Variants in SLC9C2 observed in about 807,000 individuals in gnomAD.
The protein encoded by SLC9C2 is sodium/hydrogen exchanger 11.
In SLC9C2, 75 loss-of-function variants were observed where a neutral mutation model predicts 140.2. The observed-to-expected ratio is 0.53, with a 90% CI of 0.44 to 0.65. The LOEUF (loss-of-function observed/expected upper bound fraction) is 0.65. Ranked by LOEUF, SLC9C2 falls within the 30% of genes least tolerant of loss-of-function variation. The pLI is 0.00. For synonymous variants in SLC9C2, 375 were observed against 420.9 expected, an observed-to-expected ratio of 0.89 and a Z score of 1.34; for missense variants, 1,074 against 1,331.8, an observed-to-expected ratio of 0.81 and a Z score of 3.01.
intron 9 of SLC9C2, among the ~76,000 whole-genome samples, chr1:173,572,107 C>T (rs764719679): frequency 3.9e-5 from 6 of 152,154 alleles, no homozygotes; most frequent in Admixed American, 6.5e-5. Flanking sequence ...CCCAAAGTCA[C>T]ATAGTTACAT....
chr1:173,586,245 T>C (rs984314416), intron 5 of SLC9C2, among the ~76,000 whole-genome samples: 5 of 152,168 alleles, frequency 3.3e-5, no homozygotes, highest in Non-Finnish European at 7.3e-5. Flanking sequence ...CTTTGAGAAA[T>C]GTATCTACCT....
intron 13 of SLC9C2, among the ~76,000 whole-genome samples, chr1:173,537,249 G>C (rs558124286): frequency 6.6e-6 from 1 of 152,112 alleles, no homozygotes; most frequent in East Asian, 1.9e-4. Context: ...AATGTTATGA[G>C]ATAAAAAGGG....
At chr1:173,563,861 T>C (rs1253313486) in intron 9 of SLC9C2, among the ~76,000 whole-genome samples, 1 of 152,158 alleles carries the variant, frequency 6.6e-6, no homozygotes, top group East Asian at 1.9e-4. Flanking sequence ...CCTACTACCC[T>C]TCCCAGCCTC....
At chr1:173,505,968 A>ACTTT (rs1207276644) in intron 25 of SLC9C2, among the ~76,000 whole-genome samples, 1 of 152,170 alleles carries the variant, frequency 6.6e-6, no homozygotes, top group African/African-American at 2.4e-5. Flanking sequence ...GTCTCTTAAG[A>ACTTT]AACTAAGCTG....
chr1:173,521,815 G>A (rs1458796419), intron 21 of SLC9C2, among the ~76,000 whole-genome samples: 3 of 130,638 alleles, frequency 2.3e-5, no homozygotes, highest in African/African-American at 8.6e-5. Context: ...AAAAGTTTTA[G>A]TTATGTTGGG....
At chr1:173,546,544 G>A (rs1662862537) in intron 13 of SLC9C2, among the ~76,000 whole-genome samples, 2 of 152,110 alleles carry the variant, frequency 1.3e-5, no homozygotes, top group Admixed American at 6.5e-5. Context: ...TCGCGCCACT[G>A]CACTCCAGCC....
At chr1:173,546,701 G>T (rs189029175) in intron 13 of SLC9C2, among the ~76,000 whole-genome samples, 1 of 152,258 alleles carries the variant, frequency 6.6e-6, no homozygotes, top group Admixed American at 6.5e-5. Context: ...ATTGCAATGT[G>T]TGGACTTTAC....
intron 22 of SLC9C2, 97 bp downstream of exon 22, chr1:173,521,204 A>C (rs1221046353): frequency 3.0e-6 from 2 of 673,826 alleles, no homozygotes; most frequent in African/African-American, 3.8e-5. Flanking sequence ...TTAAAAATTT[A>C]AACTTTTTCA....
chr1:173,540,698 A>T (rs1662331243), intron 13 of SLC9C2, among the ~76,000 whole-genome samples: 1 of 152,258 alleles, frequency 6.6e-6, no homozygotes, highest in African/African-American at 2.4e-5. Flanking sequence ...TATTCCAGGA[A>T]CATTAAAAGT....
At position 173,564,955 on chromosome 1, in the gene SLC9C2, T is replaced by C. The variant is rs1023836789; in HGVS notation, c.1047-7447A>G. On this transcript the variant is annotated intron_variant, in intron 9 of 27. Coordinates refer to ENST00000367714, the MANE Select transcript of SLC9C2 (RefSeq NM_178527.4). ...CCTGGCCGGGTAGTTTTCTTTTTTC[T>C]TTTTTTCTTTTTCTTTTTTTTTTTT... 6.9e-5 allele frequency among the ~76,000 whole-genome samples: 10 copies of C among 145,012 alleles called. No homozygotes were observed. The South Asian group carries it at 2.2e-3, about 31-fold the overall frequency.
intron 9 of SLC9C2, among the ~76,000 whole-genome samples, chr1:173,559,420 C>G (rs919832917): frequency 4.6e-5 from 7 of 152,220 alleles, no homozygotes; most frequent in Non-Finnish European, 1.0e-4. Context: ...GGCCCCTGTT[C>G]TTGAGACATC....
intron 27 of SLC9C2, 59 bp downstream of exon 27, chr1:173,503,207 C>T (rs1659399950): frequency 4.2e-6 from 6 of 1,440,410 alleles, no homozygotes; most frequent in Middle Eastern, 2.0e-4. Context: ...TTTATTTTAG[C>T]TGTATAGTTC....
rs372144894 is a variant in SLC9C2, at chr1:173,593,738, C to T, written c.357+4166G>A. On this transcript the variant is annotated intron_variant, in intron 4 of 27. Coordinates refer to ENST00000367714, the MANE Select transcript of SLC9C2 (RefSeq NM_178527.4). Reference sequence around the variant, plus strand: ...CAGGGGCTGTTACCCTAATTTTAGACAAAACAGACTTTAAGCCAACAAAGA... The same window carrying T: ...CAGGGGCTGTTACCCTAATTTTAGATAAAACAGACTTTAAGCCAACAAAGA... Among the ~76,000 whole-genome samples, 17 of 152,114 alleles carry T rather than the reference C, an allele frequency of 1.1e-4. No homozygotes were observed. In the East Asian group the frequency reaches 1.2e-3, roughly 10 times the overall value.
At chr1:173,599,362 A>ATTTT (rs61579339) in intron 3 of SLC9C2, among the ~76,000 whole-genome samples, 3,963 of 68,000 alleles carry the variant, frequency 0.058, 1,272 homozygotes, top group Non-Finnish European at 0.073. Flanking sequence ...ATTTTCCTTG[A>ATTTT]TTTTTTTTTT....
chr1:173,600,106 A>G lies in SLC9C2; in HGVS notation c.228+11T>C, dbSNP rs752835603. On this transcript the variant is annotated intron_variant, in intron 3 of 27. Transcript: ENST00000367714. ...TTTCCTTTATTCTCTAATTTATTGT[A>G]CATACAGTACCTCAACAGAATTGTA... The G allele has an allele frequency of 2.4e-5, 37 of 1,547,660 alleles. No individual in the cohort carries two copies. The highest frequency in any genetic ancestry group is 3.2e-5 in the Non-Finnish European group (36 of 1,134,906).
rs58355008 is a variant in SLC9C2, at chr1:173,521,885, CAAAAAAAAAAAA to C, written c.2641-498_2641-487del. Among the ~76,000 whole-genome samples, 74 of 76,946 alleles carry C rather than the reference CAAAAAAAAAAAA, an allele frequency of 9.6e-4. 1 individual carries two copies. The highest frequency in any genetic ancestry group is 3.4e-3 in the African/African-American group (68 of 20,274). The allele number at this position is 76,946 out of a possible 152,430, so 50.5% of individuals were successfully genotyped here. A position where few individuals can be genotyped will look rare whatever the true frequency, so the allele number is the denominator to read the frequency against. ...AAGAAGACAGGGACAGGGCGCTATG[CAAAAAAAAAAAA>C]AAAAAAAAAAATGCAGAAAAGGCCG... On this transcript the variant is annotated intron_variant, in intron 21 of 27. Coordinates refer to ENST00000367714, the MANE Select transcript of SLC9C2 (RefSeq NM_178527.4).
At chr1:173,543,410 G>A (rs1451257551) in intron 13 of SLC9C2, among the ~76,000 whole-genome samples, 1 of 152,162 alleles carries the variant, frequency 6.6e-6, no homozygotes, top group East Asian at 1.9e-4. Flanking sequence ...AATCAATATC[G>A]TGAAAATGGC....
intron 13 of SLC9C2, among the ~76,000 whole-genome samples, chr1:173,545,965 T>C (rs1381024): frequency 6.6e-6 from 1 of 151,576 alleles, no homozygotes; most frequent in African/African-American, 2.4e-5. Flanking sequence ...GCATTCGGAG[T>C]GGGAAAAAGG....
At chr1:173,577,829 T>C (rs1212640429) in intron 7 of SLC9C2, among the ~76,000 whole-genome samples, 3 of 152,234 alleles carry the variant, frequency 2.0e-5, no homozygotes, top group Non-Finnish European at 4.4e-5. Context: ...AGGAGTTTAC[T>C]ATTCTTTTGG....
Sources: gnomAD v4.1 joint callset for allele counts (sites outside exome capture counted in the v4.1 genomes callset) on GRCh38, gnomAD v4.1.1 for gene constraint, MANE v1.5 for transcripts, NCBI Gene and HGNC (gene_info 2026-07-23, HGNC 2026-07-21) for gene names.